RNGTT: variants seen among roughly 807,000 people sequenced by gnomAD.
RNGTT encodes the protein RNA guanylyltransferase and 5'-phosphatase, also known as mRNA-capping enzyme.
A neutral mutation model predicts 79.3 loss-of-function variants in RNGTT; 33 were observed. The ratio of observed to expected loss-of-function variants is 0.42; its 90% CI spans 0.32 to 0.56. The LOEUF is 0.56. Ranked by LOEUF, RNGTT falls within the 20% of genes least tolerant of loss-of-function variation. RNGTT has a pLI of 0.17. For missense variants in RNGTT, 497 were observed against 739.1 expected (o/e 0.67, Z 3.80); for synonymous variants, 222 against 235.9 (o/e 0.94, Z 0.54).
At chr6:88,750,502 T>A (rs1302890949) in intron 13 of RNGTT, among the ~76,000 whole-genome samples, 1 of 152,166 alleles carries the variant, frequency 6.6e-6, no homozygotes, top group Non-Finnish European at 1.5e-5. Context: ...CTTATGAAAC[T>A]GGTTGGAATA....
At chr6:88,884,463 GTACAAAAAGAAA>G (rs2127929973) in intron 8 of RNGTT, among the ~76,000 whole-genome samples, 1 of 152,240 alleles carries the variant, frequency 6.6e-6, no homozygotes, top group Non-Finnish European at 1.5e-5. Flanking sequence ...CTGCTCATCT[GTACAAAAAGAAA>G]TGCAAGAAGG....
intron 12 of RNGTT, among the ~76,000 whole-genome samples, chr6:88,799,700 C>CAAAAAAAAAAAAA (rs36033019): frequency 2.2e-5 from 1 of 46,256 alleles, no homozygotes; most frequent in Admixed American, 2.4e-4. Flanking sequence ...AACTCCATCT[C>CAAAAAAAAAAAAA]AAAAAAAAAA....
chr6:88,663,455 A>G (rs753495918), intron 14 of RNGTT, among the ~76,000 whole-genome samples: 1 of 152,042 alleles, frequency 6.6e-6, no homozygotes, highest in Non-Finnish European at 1.5e-5. Flanking sequence ...CTAGTTTTAG[A>G]CCCCTCACAG....
At chr6:88,741,892 G>A (rs907703355) in intron 13 of RNGTT, among the ~76,000 whole-genome samples, 10 of 151,952 alleles carry the variant, frequency 6.6e-5, no homozygotes, top group Admixed American at 5.9e-4. Context: ...AATAATTATC[G>A]ACTGGTAGGA....
chr6:88,915,609 C>A (rs1783974751), intron 4 of RNGTT, among the ~76,000 whole-genome samples: 1 of 152,052 alleles, frequency 6.6e-6, no homozygotes, highest in South Asian at 2.1e-4. Flanking sequence ...ACTGGGGACT[C>A]CAATAGGAGG....
At chr6:88,794,147 C>CTGTT (rs968940108) in intron 12 of RNGTT, among the ~76,000 whole-genome samples, 5 of 152,066 alleles carry the variant, frequency 3.3e-5, no homozygotes, top group Non-Finnish European at 5.9e-5. Flanking sequence ...TCAGTGGTGT[C>CTGTT]TGTTTGTTTG....
At chr6:88,648,437 A>G (rs1240706178) in intron 14 of RNGTT, among the ~76,000 whole-genome samples, 2 of 151,782 alleles carry the variant, frequency 1.3e-5, no homozygotes, top group African/African-American at 4.8e-5. Context: ...ACAAACTTGC[A>G]CATTGTGCAC....
At chr6:88,800,857 G>T (rs969267689) in intron 12 of RNGTT, among the ~76,000 whole-genome samples, 1 of 152,150 alleles carries the variant, frequency 6.6e-6, no homozygotes, top group Non-Finnish European at 1.5e-5. Flanking sequence ...TCACAAATGG[G>T]AATAGGGAGC....
chr6:88,875,484 G>A (rs1422265735), intron 8 of RNGTT, among the ~76,000 whole-genome samples: 1 of 151,986 alleles, frequency 6.6e-6, no homozygotes, highest in East Asian at 1.9e-4. Context: ...GCATAAAACA[G>A]TAAAAATAAC....
At chr6:88,731,653 T>G (rs1039532094) in intron 13 of RNGTT, among the ~76,000 whole-genome samples, 2 of 152,092 alleles carry the variant, frequency 1.3e-5, no homozygotes, top group African/African-American at 4.8e-5. Flanking sequence ...AAAGATACCA[T>G]CGACAGGGCA....
chr6:88,861,885 C>G (rs889325078), intron 8 of RNGTT, among the ~76,000 whole-genome samples: 5 of 152,062 alleles, frequency 3.3e-5, no homozygotes, highest in African/African-American at 1.2e-4. Context: ...AGTGTTGAAA[C>G]AGTACATTTT....
intron 8 of RNGTT, among the ~76,000 whole-genome samples, chr6:88,882,960 C>T (rs772547592): frequency 4.6e-5 from 7 of 151,956 alleles, no homozygotes; most frequent in Admixed American, 1.3e-4. Flanking sequence ...CTGCTATAGC[C>T]GCACAAATGA....
At chr6:88,773,902 T>C (rs969227594) in intron 12 of RNGTT, among the ~76,000 whole-genome samples, 1 of 152,276 alleles carries the variant, frequency 6.6e-6, no homozygotes, top group African/African-American at 2.4e-5. Context: ...GATTTGGCAG[T>C]AGATTTTTAG....
chr6:88,613,710 T>C (rs1470450589), intron 15 of RNGTT, among the ~76,000 whole-genome samples: 3 of 152,256 alleles, frequency 2.0e-5, no homozygotes, highest in African/African-American at 4.8e-5. Context: ...GGTAGTGGTA[T>C]ACCTTATAAA....
At chr6:88,625,780 A>T (rs567967812) in intron 14 of RNGTT, among the ~76,000 whole-genome samples, 1 of 152,108 alleles carries the variant, frequency 6.6e-6, no homozygotes, top group Non-Finnish European at 1.5e-5. Context: ...GAAACAGGTC[A>T]GTTAAAAAAA....
intron 11 of RNGTT, among the ~76,000 whole-genome samples, chr6:88,841,091 G>A (rs145002983): frequency 1.1e-3 from 162 of 152,236 alleles, no homozygotes; most frequent in African/African-American, 3.4e-3. Context: ...GACTTCCACC[G>A]TGGACAGAGC....
At chr6:88,793,930 T>C (rs531641706) in intron 12 of RNGTT, among the ~76,000 whole-genome samples, 6 of 152,328 alleles carry the variant, frequency 3.9e-5, no homozygotes, top group African/African-American at 1.4e-4. Flanking sequence ...CATAAATTAT[T>C]TTTAGGAAAC....
intron 13 of RNGTT, among the ~76,000 whole-genome samples, chr6:88,696,032 C>T (rs958112269): frequency 1.3e-5 from 2 of 152,062 alleles, no homozygotes; most frequent in Non-Finnish European, 2.9e-5. Context: ...TTGATCAAAG[C>T]GTACAGTTTC....
chr6:88,911,114 G>GA (rs1273977938), intron 4 of RNGTT, among the ~76,000 whole-genome samples: 1 of 151,604 alleles, frequency 6.6e-6, no homozygotes, highest in African/African-American at 2.4e-5. Context: ...ACCACCGCAG[G>GA]AAAAAAATCT....
Sources: allele counts gnomAD v4.1 joint callset (sites outside exome capture counted in the v4.1 genomes callset), GRCh38; gene constraint gnomAD v4.1.1; transcripts MANE v1.5; gene names NCBI Gene and HGNC (gene_info 2026-07-23, HGNC 2026-07-21).